The following WWOX variants were observed in gnomAD, a reference collection of about 807,000 sequenced individuals.
WWOX encodes the protein WW domain containing oxidoreductase.
WWOX carries 69 observed loss-of-function variants against 46.2 expected under a neutral mutation model. The ratio of observed to expected loss-of-function variants is 1.49; its 90% CI spans 1.23 to 1.82. The LOEUF (loss-of-function observed/expected upper bound fraction) is 1.82. WWOX is among the 40% of genes most tolerant of loss of function. The probability of loss-of-function intolerance (pLI) is 0.00; values close to 1 mark genes in which losing one functional copy is unlikely to be tolerated. For missense variants in WWOX, 919 were observed against 542.6 expected, an observed-to-expected ratio of 1.69 and a Z score of -6.89; for synonymous variants, 359 against 202.6, an observed-to-expected ratio of 1.77 and a Z score of -6.56.
At chr16:78,631,874 T>C (rs2046440127) in intron 8 of WWOX, among the ~76,000 whole-genome samples, 1 of 152,224 alleles carries the variant, frequency 6.6e-6, no homozygotes. Context: ...TTGCTCTCTT[T>C]TTATTGGCAC....
chr16:78,245,124 A>C (rs530586032), intron 5 of WWOX, among the ~76,000 whole-genome samples: 1 of 152,342 alleles, frequency 6.6e-6, no homozygotes, highest in African/African-American at 2.4e-5. Flanking sequence ...TATATTTTTA[A>C]CACATTGTTA....
intron 5 of WWOX, among the ~76,000 whole-genome samples, chr16:78,329,347 T>C (rs2080705849): frequency 6.6e-6 from 1 of 152,168 alleles, no homozygotes; most frequent in African/African-American, 2.4e-5. Flanking sequence ...TATGAAATGA[T>C]GAGGGATGCA....
At chr16:78,199,706 C>T (rs927072345) in intron 5 of WWOX, among the ~76,000 whole-genome samples, 1 of 152,182 alleles carries the variant, frequency 6.6e-6, no homozygotes, top group Non-Finnish European at 1.5e-5. Context: ...GTCTGTGTCA[C>T]ATATACATGA....
chr16:78,397,369 C>T (rs890604717), intron 6 of WWOX, among the ~76,000 whole-genome samples: 2 of 152,100 alleles, frequency 1.3e-5, no homozygotes, highest in Admixed American at 6.5e-5. Context: ...CCATTTTATC[C>T]TTATAATGAC....
intron 4 of WWOX, among the ~76,000 whole-genome samples, chr16:78,136,182 G>C (rs2151702226): frequency 6.6e-6 from 1 of 152,250 alleles, no homozygotes; most frequent in South Asian, 2.1e-4. Flanking sequence ...TAACATGTAA[G>C]AAATTACATC....
intron 5 of WWOX, among the ~76,000 whole-genome samples, chr16:78,177,554 G>T (rs924954669): frequency 6.6e-6 from 1 of 152,212 alleles, no homozygotes; most frequent in Non-Finnish European, 1.5e-5. Flanking sequence ...AGCATCCACA[G>T]AGTGTAAGTA....
intron 8 of WWOX, among the ~76,000 whole-genome samples, chr16:78,957,727 G>T (rs906782938): frequency 6.6e-6 from 1 of 152,218 alleles, no homozygotes; most frequent in Non-Finnish European, 1.5e-5. Flanking sequence ...GTTAGGAGAA[G>T]AACTTTTCTT....
At chr16:78,912,309 C>T (rs905654284) in intron 8 of WWOX, among the ~76,000 whole-genome samples, 1 of 151,988 alleles carries the variant, frequency 6.6e-6, no homozygotes, top group Non-Finnish European at 1.5e-5. Flanking sequence ...ATGCTATGCA[C>T]CTTATGTGTG....
intron 8 of WWOX, among the ~76,000 whole-genome samples, chr16:78,778,947 A>G (rs138072039): frequency 9.3e-4 from 142 of 152,254 alleles, no homozygotes; most frequent in African/African-American, 3.3e-3. Flanking sequence ...CCCCTTGGCA[A>G]TAATCTGTTT....
intron 5 of WWOX, among the ~76,000 whole-genome samples, chr16:78,254,544 G>A (rs1368750051): frequency 6.0e-5 from 7 of 115,750 alleles, no homozygotes; most frequent in African/African-American, 2.5e-4. Context: ...CTCACTCTGT[G>A]GCCCAGGCTA....
chr16:78,418,400 C>T (rs1043346818), intron 6 of WWOX, among the ~76,000 whole-genome samples: 1 of 151,726 alleles, frequency 6.6e-6, no homozygotes, highest in African/African-American at 2.4e-5. Flanking sequence ...TATCAATTTT[C>T]CACAAACTCT....
chr16:78,985,662 A>G (rs2046770402), intron 8 of WWOX, among the ~76,000 whole-genome samples: 1 of 152,194 alleles, frequency 6.6e-6, no homozygotes, highest in Non-Finnish European at 1.5e-5. Flanking sequence ...CCAGCTACTC[A>G]GGAGGCTGAG....
chr16:78,286,741 C>A (rs750266318), intron 5 of WWOX, among the ~76,000 whole-genome samples: 1 of 152,230 alleles, frequency 6.6e-6, no homozygotes, highest in African/African-American at 2.4e-5. Flanking sequence ...ACAGCTTCTT[C>A]TTCATTATGT....
intron 8 of WWOX, among the ~76,000 whole-genome samples, chr16:78,849,980 G>T (rs1049493584): frequency 2.6e-5 from 4 of 152,118 alleles, no homozygotes; most frequent in African/African-American, 9.7e-5. Flanking sequence ...GCTGAGGCAG[G>T]AGAATAGCTT....
At chr16:78,930,493 G>C (rs1223133799) in intron 8 of WWOX, among the ~76,000 whole-genome samples, 1 of 129,660 alleles carries the variant, frequency 7.7e-6, no homozygotes, top group Non-Finnish European at 1.6e-5. Context: ...GTTTCACCAT[G>C]TTGCCCAGGC....
intron 8 of WWOX, among the ~76,000 whole-genome samples, chr16:78,697,549 TAGCA>T (rs1337218266): frequency 6.6e-6 from 1 of 151,916 alleles, no homozygotes; most frequent in Admixed American, 6.6e-5. Context: ...GAACTCAAAT[TAGCA>T]AGAAAAAAGC....
At chr16:78,913,733 C>G (rs2045172870) in intron 8 of WWOX, among the ~76,000 whole-genome samples, 5 of 151,740 alleles carry the variant, frequency 3.3e-5, no homozygotes, top group East Asian at 1.9e-4. Flanking sequence ...GCCATCATAG[C>G]TCACTGCAGC....
intron 8 of WWOX, among the ~76,000 whole-genome samples, chr16:78,977,715 G>A (rs1480696519): frequency 2.0e-5 from 3 of 152,076 alleles, no homozygotes; most frequent in African/African-American, 4.8e-5. Flanking sequence ...CAGGGGCAGG[G>A]GGTGCAGGGG....
chr16:78,208,727 T>C (rs1405248323), intron 5 of WWOX, among the ~76,000 whole-genome samples: 1 of 152,202 alleles, frequency 6.6e-6, no homozygotes, highest in East Asian at 1.9e-4. Context: ...CTCACTTCAA[T>C]GGTAAATATA....
Sources: allele counts gnomAD v4.1 joint callset (sites outside exome capture counted in the v4.1 genomes callset), GRCh38; gene constraint gnomAD v4.1.1; transcripts MANE v1.5; gene names NCBI Gene and HGNC (gene_info 2026-07-23, HGNC 2026-07-21).